The following KHDRBS2 variants were observed in gnomAD, a reference collection of about 807,000 sequenced individuals.
KHDRBS2 encodes the protein KH domain-containing, RNA-binding, signal transduction-associated protein 2.
In KHDRBS2, 26 loss-of-function variants were observed where a neutral mutation model predicts 44.3. The observed-to-expected ratio is 0.59, with a 90% CI of 0.43 to 0.81. The LOEUF (loss-of-function observed/expected upper bound fraction) is 0.81, where lower values mean the gene tolerates loss of function less well. Among genes scored for constraint, KHDRBS2 ranks in the 40% least tolerant of loss-of-function variants. The pLI is 0.00. For synonymous variants in KHDRBS2, 194 were observed against 151.1 expected, an observed-to-expected ratio of 1.28 and a Z score of -2.08; for missense variants, 476 against 433.1, an observed-to-expected ratio of 1.10 and a Z score of -0.88.
At chr6:61,715,270 G>T (rs1487352570) in intron 7 of KHDRBS2, among the ~76,000 whole-genome samples, 1 of 151,830 alleles carries the variant, frequency 6.6e-6, no homozygotes, top group Non-Finnish European at 1.5e-5. Context: ...AACTACATTG[G>T]CCTGGTGCAG....
the KHDRBS2 span, chr6:61,574,311 A>C: frequency 1.5e-5 from 23 of 1,521,800 alleles, no homozygotes; most frequent in Non-Finnish European, 8.8e-7. Flanking sequence ...TTGTTCCTTA[A>C]ATAGGGACTT....
At chr6:62,147,151 ATCCTAGTTCCAGTT>A (rs1428172112) in intron 2 of KHDRBS2, among the ~76,000 whole-genome samples, 1 of 151,738 alleles carries the variant, frequency 6.6e-6, no homozygotes, top group African/African-American at 2.4e-5. Context: ...ATTCTTATGT[ATCCTAGTTCCAGTT>A]TCCTAGTTCC....
At position 62,223,288 on chromosome 6, in the gene KHDRBS2, G is replaced by A. The variant is rs535430784; in HGVS notation, c.92-45976C>T. ...CTTGCGCCTTCTGAAGCTATGGTGC[G>A]AGCTCTGCATTAGCCCCTTTCAGCC... On this transcript the variant is annotated intron_variant, in intron 1 of 8. Transcript: ENST00000281156. Among the ~76,000 whole-genome samples the A allele has an allele frequency of 3.0e-4, 45 of 152,332 alleles. 1 individual carries two copies. Among genetic ancestry groups the A allele is most frequent in the East Asian group, 3.9e-4 (2 of 5,172 alleles).
At chr6:62,279,849 AG>A (rs752786169) in intron 1 of KHDRBS2, among the ~76,000 whole-genome samples, 10 of 152,178 alleles carry the variant, frequency 6.6e-5, no homozygotes, top group Non-Finnish European at 1.2e-4. Flanking sequence ...AGGGGCCAAC[AG>A]GGGGCTGGTT....
At chr6:61,897,732 TCTCA>T (rs896238395) in intron 5 of KHDRBS2, among the ~76,000 whole-genome samples, 6 of 152,104 alleles carry the variant, frequency 3.9e-5, no homozygotes, top group Non-Finnish European at 4.4e-5. Flanking sequence ...TCTCTCTCTC[TCTCA>T]ATCACTGTAA....
intron 1 of KHDRBS2, among the ~76,000 whole-genome samples, chr6:62,192,830 C>T (rs1030863054): frequency 9.2e-5 from 14 of 152,072 alleles, no homozygotes; most frequent in African/African-American, 2.9e-4. Context: ...TGATGCAACA[C>T]TGGTTTAAAC....
At chr6:62,177,855 G>C (rs1254405697) in intron 1 of KHDRBS2, among the ~76,000 whole-genome samples, 2 of 151,264 alleles carry the variant, frequency 1.3e-5, no homozygotes, top group Non-Finnish European at 3.0e-5. Flanking sequence ...ATCTATAAAT[G>C]CTAACATTCA....
At chr6:62,090,147 C>CA (rs895342246) in intron 2 of KHDRBS2, among the ~76,000 whole-genome samples, 2 of 151,916 alleles carry the variant, frequency 1.3e-5, no homozygotes, top group Admixed American at 1.3e-4. Flanking sequence ...ACAACAGAAA[C>CA]AAAAAAATTA....
At chr6:62,035,396 A>G (rs1785099889) in intron 3 of KHDRBS2, among the ~76,000 whole-genome samples, 1 of 152,068 alleles carries the variant, frequency 6.6e-6, no homozygotes, top group South Asian at 2.1e-4. Context: ...CAGTATAGAA[A>G]GACAAATATT....
chr6:61,895,457 C>T (rs2127334941), intron 5 of KHDRBS2, among the ~76,000 whole-genome samples: 1 of 152,286 alleles, frequency 6.6e-6, no homozygotes, highest in South Asian at 2.1e-4. Context: ...ATGCCTGTAA[C>T]CCCCTGAACT....
At chr6:61,885,952 C>T (rs1800886369) in intron 6 of KHDRBS2, among the ~76,000 whole-genome samples, 1 of 152,050 alleles carries the variant, frequency 6.6e-6, no homozygotes, top group Non-Finnish European at 1.5e-5. Flanking sequence ...TTTCTTACTC[C>T]TCCCAAATGC....
chr6:62,080,800 G>T (rs1797241656), intron 2 of KHDRBS2, among the ~76,000 whole-genome samples: 1 of 152,028 alleles, frequency 6.6e-6, no homozygotes, highest in Non-Finnish European at 1.5e-5. Context: ...AGCACCTGGA[G>T]AGTAGGATAG....
At chr6:62,198,788 A>T (rs546670061) in intron 1 of KHDRBS2, among the ~76,000 whole-genome samples, 2 of 152,296 alleles carry the variant, frequency 1.3e-5, no homozygotes, top group South Asian at 4.1e-4. Context: ...AACAGAAAAA[A>T]GAGAATTTTA....
chr6:61,862,823 G>A (rs1176777115), intron 6 of KHDRBS2, among the ~76,000 whole-genome samples: 4 of 152,070 alleles, frequency 2.6e-5, no homozygotes, highest in Non-Finnish European at 4.4e-5. Flanking sequence ...TCAGGATGAC[G>A]CTGGCCTCAT....
At chr6:62,073,876 C>A (rs1445817630) in intron 2 of KHDRBS2, among the ~76,000 whole-genome samples, 3 of 151,760 alleles carry the variant, frequency 2.0e-5, no homozygotes, top group Non-Finnish European at 2.9e-5. Context: ...CAAATAAAGT[C>A]TATCCTCAAA....
intron 8 of KHDRBS2, among the ~76,000 whole-genome samples, chr6:61,691,174 T>C (rs1198498412): frequency 2.0e-5 from 3 of 152,108 alleles, no homozygotes. Flanking sequence ...CTTTCTCACC[T>C]AAAACTGTTG....
intron 6 of KHDRBS2, among the ~76,000 whole-genome samples, chr6:61,773,259 A>G (rs1417461218): frequency 1.3e-5 from 2 of 152,132 alleles, no homozygotes; most frequent in Admixed American, 1.3e-4. Flanking sequence ...TCCCACCAAC[A>G]GTGTAAAAGT....
At chr6:61,785,018 G>A (rs1351367170) in intron 6 of KHDRBS2, among the ~76,000 whole-genome samples, 5 of 151,822 alleles carry the variant, frequency 3.3e-5, no homozygotes, top group East Asian at 3.9e-4. Context: ...GCATGGTGGC[G>A]CATGTCTGTA....
intron 1 of KHDRBS2, among the ~76,000 whole-genome samples, chr6:62,181,384 A>G (rs1011536293): frequency 6.6e-6 from 1 of 151,986 alleles, no homozygotes; most frequent in Non-Finnish European, 1.5e-5. Context: ...ATTGGCAAAG[A>G]ACCTGAATAG....
Sources: allele counts gnomAD v4.1 joint callset (sites outside exome capture counted in the v4.1 genomes callset), GRCh38; gene constraint gnomAD v4.1.1; transcripts MANE v1.5; gene names NCBI Gene and HGNC (gene_info 2026-07-23, HGNC 2026-07-21).